SPAG16: variants seen among roughly 807,000 people sequenced by gnomAD.
SPAG16 encodes the protein sperm-associated antigen 16 protein.
A neutral mutation model predicts 80.4 loss-of-function variants in SPAG16; 86 were observed. The ratio of observed to expected loss-of-function variants is 1.07; its 90% CI spans 0.90 to 1.28. SPAG16 has a LOEUF of 1.28. Among genes scored for constraint, SPAG16 ranks in the 50% most tolerant of loss-of-function variants. The pLI, the probability that SPAG16 is intolerant of heterozygous loss-of-function variation, is 0.00. For synonymous variants in SPAG16, 294 were observed against 265.9 expected, an observed-to-expected ratio of 1.11 and a Z score of -1.03; for missense variants, 870 against 765.3, an observed-to-expected ratio of 1.14 and a Z score of -1.61.
chr2:214,397,154 TTTTC>T (rs1181339604), intron 15 of SPAG16, among the ~76,000 whole-genome samples: 15 of 106,138 alleles, frequency 1.4e-4, no homozygotes, highest in Admixed American at 5.7e-4. Flanking sequence ...AATTTTTTAA[TTTTC>T]TTTTTTTTTT....
At chr2:213,527,795 A>G (rs1174325161) in intron 10 of SPAG16, among the ~76,000 whole-genome samples, 1 of 152,214 alleles carries the variant, frequency 6.6e-6, no homozygotes, top group African/African-American at 2.4e-5. Context: ...ACAGAAAAAC[A>G]TGCAACAAGC....
intron 14 of SPAG16, among the ~76,000 whole-genome samples, chr2:214,148,236 T>C (rs969739987): frequency 2.0e-5 from 3 of 152,138 alleles, no homozygotes; most frequent in African/African-American, 7.2e-5. Context: ...ACCCCTCTTA[T>C]TCACCAGCAT....
At chr2:214,407,054 A>G (rs1702033835) in intron 15 of SPAG16, among the ~76,000 whole-genome samples, 1 of 152,100 alleles carries the variant, frequency 6.6e-6, no homozygotes, top group African/African-American at 2.4e-5. Flanking sequence ...TATAACTTGA[A>G]TGTTAACAAA....
At chr2:213,520,244 A>G (rs2075608413) in intron 10 of SPAG16, among the ~76,000 whole-genome samples, 1 of 152,122 alleles carries the variant, frequency 6.6e-6, no homozygotes, top group Non-Finnish European at 1.5e-5. Context: ...CAGAAGGAAT[A>G]TGCTGTGCTC....
chr2:213,472,802 C>G (rs2073155407), intron 9 of SPAG16, among the ~76,000 whole-genome samples: 1 of 152,158 alleles, frequency 6.6e-6, no homozygotes, highest in Admixed American at 6.5e-5. Flanking sequence ...ATTTTGGGTC[C>G]CTAAGAATCA....
In SPAG16 at chr2:213,319,463, G is replaced by A. The variant is rs540226378; in HGVS notation, c.536+2107G>A. Among the ~76,000 whole-genome samples the A allele has an allele frequency of 1.2e-3, 183 of 152,014 alleles. 2 individuals carry two copies. The highest frequency in any genetic ancestry group is 6.8e-3 in the Middle Eastern group (2 of 294). On this transcript the variant is annotated intron_variant, in intron 5 of 15. Coordinates refer to ENST00000331683, the MANE Select transcript of SPAG16 (RefSeq NM_024532.5). ...TAGAATTTTATATTTTACATTAGAA[G>A]TGTATGATGATTCAGAAGAATATAT...
intron 12 of SPAG16, among the ~76,000 whole-genome samples, chr2:214,009,417 G>A (rs1267145100): frequency 6.6e-6 from 1 of 152,060 alleles, no homozygotes; most frequent in African/African-American, 2.4e-5. Context: ...TTATATTCCT[G>A]TGCTATGTTT....
intron 15 of SPAG16, among the ~76,000 whole-genome samples, chr2:214,271,920 A>G (rs1692056264): frequency 6.6e-6 from 1 of 151,292 alleles, no homozygotes; most frequent in African/African-American, 2.4e-5. Context: ...TTTGAGCTTA[A>G]CAGATCTAGA....
chr2:213,593,640 G>C lies in SPAG16; in HGVS notation c.1070+103550G>C, dbSNP rs151224054. On this transcript the variant is annotated intron_variant, in intron 10 of 15. Coordinates refer to ENST00000331683, the MANE Select transcript of SPAG16 (RefSeq NM_024532.5). The stretch of plus-strand genomic sequence containing the variant: ...GCTAATATTTTTCTCTGAAATTCTT[G>C]AGAATTATTCCTTCTCTTTTCTAGG... 2.6e-4 allele frequency among the ~76,000 whole-genome samples: 37 copies of C among 143,358 alleles called. No homozygotes were observed. The East Asian group carries it at 6.4e-3, about 25-fold the overall frequency. The allele number at this position is 143,358 out of a possible 152,430, so 94.0% of individuals were successfully genotyped here.
At chr2:213,583,179 A>G (rs1338894480) in intron 10 of SPAG16, among the ~76,000 whole-genome samples, 2 of 152,156 alleles carry the variant, frequency 1.3e-5, no homozygotes, top group Non-Finnish European at 2.9e-5. Context: ...TCTATTTCAG[A>G]TAATTTTTGC....
chr2:213,522,198 G>C (rs1416875480), intron 10 of SPAG16, among the ~76,000 whole-genome samples: 1 of 152,176 alleles, frequency 6.6e-6, no homozygotes, highest in Non-Finnish European at 1.5e-5. Flanking sequence ...GGAGATGGGG[G>C]CCTGGCCACT....
intron 15 of SPAG16, among the ~76,000 whole-genome samples, chr2:214,347,400 A>G (rs892591739): frequency 2.0e-5 from 3 of 151,986 alleles, no homozygotes; most frequent in African/African-American, 7.2e-5. Flanking sequence ...AGGTAGTCTT[A>G]TATCCCACAA....
chr2:214,070,505 A>T (rs1223590952), intron 13 of SPAG16, among the ~76,000 whole-genome samples: 2 of 152,070 alleles, frequency 1.3e-5, no homozygotes, highest in Admixed American at 1.3e-4. Context: ...GCTTTAATAT[A>T]TACAAAAGCA....
chr2:213,412,367 T>C (rs998123332), intron 9 of SPAG16, among the ~76,000 whole-genome samples: 18 of 152,344 alleles, frequency 1.2e-4, no homozygotes, highest in Admixed American at 1.0e-3. Flanking sequence ...TCCAAGTGTG[T>C]GCTCACCATT....
At chr2:214,044,072 G>A (rs900806152) in intron 13 of SPAG16, among the ~76,000 whole-genome samples, 4 of 151,952 alleles carry the variant, frequency 2.6e-5, no homozygotes, top group Admixed American at 2.0e-4. Context: ...CAGAGGTGTG[G>A]TGGATTATTC....
At chr2:213,593,746 CTTTTTTTTTTTTTTTTTTTTTTT>C (rs541949006) in intron 10 of SPAG16, among the ~76,000 whole-genome samples, 44 of 50,186 alleles carry the variant, frequency 8.8e-4, no homozygotes, top group East Asian at 7.0e-3. Context: ...CCCACCACAT[CTTTTTTTTTTTTTTTTTTTTTTT>C]TTTTTTTTTT....
intron 13 of SPAG16, among the ~76,000 whole-genome samples, chr2:214,078,720 T>C (rs1303188690): frequency 6.6e-6 from 1 of 152,158 alleles, no homozygotes; most frequent in Non-Finnish European, 1.5e-5. Context: ...TTTATTATAA[T>C]TGATCACTTC....
At position 214,339,714 on chromosome 2, in the gene SPAG16, C is replaced by T. The variant is rs184157535; in HGVS notation, c.1721-70426C>T. On this transcript the variant is annotated intron_variant, in intron 15 of 15. Transcript: ENST00000331683. ...AATTTCTCACTTTTAGAAACTGACA[C>T]TTTATTATTAAAATACCACCTTGTC... Among the ~76,000 whole-genome samples, 195 of 152,330 alleles carry T rather than the reference C, an allele frequency of 1.3e-3. 1 individual carries two copies. Among genetic ancestry groups the T allele is most frequent in the African/African-American group, 4.2e-3 (173 of 41,576 alleles).
chr2:214,335,644 A>C (rs6744356), intron 15 of SPAG16, among the ~76,000 whole-genome samples: 102,684 of 151,824 alleles, frequency 0.68, 39,341 homozygotes, highest in South Asian at 0.85. Flanking sequence ...TAAGCACTAA[A>C]CTTGGATTTA....
Sources: gnomAD v4.1 joint callset for allele counts (sites outside exome capture counted in the v4.1 genomes callset) on GRCh38, gnomAD v4.1.1 for gene constraint, MANE v1.5 for transcripts, NCBI Gene and HGNC (gene_info 2026-07-23, HGNC 2026-07-21) for gene names.